The following PPARG variants were observed in gnomAD, a reference collection of about 807,000 sequenced individuals.
PPARG encodes the protein peroxisome proliferator-activated receptor gamma.
In PPARG, 17 loss-of-function variants were observed where a neutral mutation model predicts 39.2. The ratio of observed to expected loss-of-function variants is 0.43; its 90% CI spans 0.30 to 0.65. PPARG has a LOEUF of 0.65. PPARG is among the 30% of genes least tolerant of loss of function. PPARG has a pLI of 0.13. For synonymous variants in PPARG, 223 were observed against 215.7 expected (o/e 1.03, Z -0.30); for missense variants, 406 against 585.9 (o/e 0.69, Z 3.17).
chr3:12,411,854 G>T (rs2050890647), intron 6 of PPARG, among the ~76,000 whole-genome samples: 1 of 152,108 alleles, frequency 6.6e-6, no homozygotes, highest in South Asian at 2.1e-4. Context: ...AGAACCAGGT[G>T]TGTCAAAGGT....
chr3:12,366,903 C>T (rs1438652526), intron 2 of PPARG, among the ~76,000 whole-genome samples: 2 of 152,100 alleles, frequency 1.3e-5, no homozygotes, highest in African/African-American at 4.8e-5. Context: ...GTAATTCTAG[C>T]CTCATTGAAT....
At chr3:12,393,190 ATTTTTTTTT>A (rs143287325) in intron 5 of PPARG, among the ~76,000 whole-genome samples, 20 of 111,520 alleles carry the variant, frequency 1.8e-4, no homozygotes, top group South Asian at 3.1e-4. Context: ...GATTCATTTA[ATTTTTTTTT>A]TTTTTTTTTT....
At chr3:12,409,763 ATGACT>A (rs2050811151) in intron 6 of PPARG, among the ~76,000 whole-genome samples, 1 of 152,180 alleles carries the variant, frequency 6.6e-6, no homozygotes, top group Non-Finnish European at 1.5e-5. Context: ...GGAAAAGGAA[ATGACT>A]TGATTGAAGA....
intron 5 of PPARG, among the ~76,000 whole-genome samples, chr3:12,403,693 T>A (rs2050558478): frequency 6.6e-6 from 1 of 152,326 alleles, no homozygotes; most frequent in South Asian, 2.1e-4. Context: ...CCAAATATTT[T>A]CAATCCACAG....
intron 7 of PPARG, among the ~76,000 whole-genome samples, chr3:12,430,196 C>T (rs1194402065): frequency 6.7e-6 from 1 of 149,044 alleles, no homozygotes; most frequent in Non-Finnish European, 1.5e-5. Flanking sequence ...CGTTTACAGA[C>T]TTCTTCATTG....
intron 7 of PPARG, among the ~76,000 whole-genome samples, chr3:12,418,440 T>C (rs2051151769): frequency 6.6e-6 from 1 of 152,212 alleles, no homozygotes; most frequent in Non-Finnish European, 1.5e-5. Context: ...GGGATAGTGG[T>C]AAACTGTATA....
upstream of PPARG, chr3:12,287,398 T>C (rs1418149734): frequency 6.6e-6 from 1 of 152,228 alleles, no homozygotes; most frequent in Non-Finnish European, 1.5e-5. Flanking sequence ...TCTGAAAGTG[T>C]GCAGCACCAC....
At chr3:12,410,493 A>G (rs1307901332) in intron 6 of PPARG, among the ~76,000 whole-genome samples, 2 of 152,214 alleles carry the variant, frequency 1.3e-5, no homozygotes, top group African/African-American at 4.8e-5. Context: ...CCAACTTTTC[A>G]CCCCTATCTA....
At chr3:12,372,146 T>G (rs2049241036) in intron 2 of PPARG, 1 of 718,572 alleles carries the variant, frequency 1.4e-6, no homozygotes, top group East Asian at 2.7e-5. Flanking sequence ...AACACATTTC[T>G]CCAATAAAGC....
chr3:12,403,190 G>A (rs2050537912), intron 5 of PPARG, among the ~76,000 whole-genome samples: 1 of 151,608 alleles, frequency 6.6e-6, no homozygotes, highest in African/African-American at 2.4e-5. Context: ...CTACGCAGGA[G>A]GCTGAGGTGG....
intron 7 of PPARG, among the ~76,000 whole-genome samples, chr3:12,424,447 C>T (rs1242850067): frequency 6.6e-6 from 1 of 152,162 alleles, no homozygotes; most frequent in Non-Finnish European, 1.5e-5. Context: ...TCATTCCTGT[C>T]CCCACACCAG....
Position 12,395,805 on chromosome 3 carries a change from C to A in PPARG, c.529+3053C>A, listed in dbSNP as rs559964104. On this transcript the variant is annotated intron_variant, in intron 5 of 7. Transcript: ENST00000651735. ...CTTCCTGAGTCATCTCAAGCACAATCAATTCACTACTGTGTCTAGACACTG... is the reference window on the plus strand; with the variant it reads ...CTTCCTGAGTCATCTCAAGCACAATAAATTCACTACTGTGTCTAGACACTG... 1.3e-4 allele frequency among the ~76,000 whole-genome samples: 20 copies of A among 152,292 alleles called. No individual in the cohort carries two copies. The East Asian group carries it at 3.7e-3, about 28-fold the overall frequency.
At chr3:12,331,102 A>G (rs1486013044) in intron 2 of PPARG, among the ~76,000 whole-genome samples, 1 of 152,196 alleles carries the variant, frequency 6.6e-6, no homozygotes, top group Non-Finnish European at 1.5e-5. Flanking sequence ...AGCTTTTCTC[A>G]GTGTTCTTTG....
At chr3:12,307,097 C>CAAAAAAA (rs11323214) in intron 1 of PPARG, among the ~76,000 whole-genome samples, 1 of 83,900 alleles carries the variant, frequency 1.2e-5, no homozygotes, top group African/African-American at 4.6e-5. Flanking sequence ...GACTCCGTCT[C>CAAAAAAA]AAAAAAAAAA....
At chr3:12,422,319 G>A (rs1263986262) in intron 7 of PPARG, among the ~76,000 whole-genome samples, 3 of 152,038 alleles carry the variant, frequency 2.0e-5, no homozygotes, top group African/African-American at 7.2e-5. Context: ...CTGCATACAT[G>A]GTCTTTCATT....
chr3:12,350,805 C>T (rs147648587), intron 2 of PPARG, among the ~76,000 whole-genome samples: 41 of 152,328 alleles, frequency 2.7e-4, no homozygotes, highest in African/African-American at 9.4e-4. Context: ...CAAACATCAG[C>T]TGGTGTAACA....
intron 6 of PPARG, among the ~76,000 whole-genome samples, chr3:12,414,644 G>A (rs2050997476): frequency 6.6e-6 from 1 of 151,846 alleles, no homozygotes; most frequent in African/African-American, 2.4e-5. Context: ...AATTTTCATC[G>A]ATGTTACTTG....
intron 2 of PPARG, 133 bp downstream of exon 2, chr3:12,312,586 A>G (rs552632822): frequency 2.8e-4 from 43 of 152,346 alleles, no homozygotes; most frequent in Middle Eastern, 3.4e-3. Flanking sequence ...ACTTTCTGCT[A>G]TATAATTTTC....
intron 2 of PPARG, among the ~76,000 whole-genome samples, chr3:12,346,810 T>A (rs1484020082): frequency 1.3e-5 from 2 of 151,716 alleles, no homozygotes. Flanking sequence ...AATTATTTTA[T>A]TTTTTTATAG....
Sources: gnomAD v4.1 joint callset for allele counts (sites outside exome capture counted in the v4.1 genomes callset) on GRCh38, gnomAD v4.1.1 for gene constraint, MANE v1.5 for transcripts, NCBI Gene and HGNC (gene_info 2026-07-23, HGNC 2026-07-21) for gene names.